Variants in ZCCHC8 observed in about 807,000 individuals in gnomAD.
The protein encoded by ZCCHC8 is zinc finger CCHC-type containing 8, also known as zinc finger CCHC domain-containing protein 8.
A neutral mutation model predicts 70.6 loss-of-function variants in ZCCHC8; 27 were observed. The ratio of observed to expected loss-of-function variants is 0.38; its 90% CI spans 0.28 to 0.53. ZCCHC8 has a LOEUF of 0.53. ZCCHC8 is among the 20% of genes least tolerant of loss of function. The pLI is 0.81. For missense variants in ZCCHC8, 737 were observed against 876.9 expected (o/e 0.84, Z 2.01); for synonymous variants, 293 against 317.4 (o/e 0.92, Z 0.82).
At chr12:122,498,750 A>C in intron 2 of ZCCHC8, 77 bp downstream of exon 2, 1 of 1,418,544 alleles carries the variant, frequency 7.0e-7, no homozygotes, top group Non-Finnish European at 9.8e-7. Flanking sequence ...CACTTTTTAC[A>C]ACGAAATTCT....
chr12:122,494,602 T>A (rs1957798568), intron 2 of ZCCHC8, among the ~76,000 whole-genome samples: 1 of 149,366 alleles, frequency 6.7e-6, no homozygotes, highest in Admixed American at 6.7e-5. Context: ...ACGCCTGTAA[T>A]CCCAGTACTT....
intron 13 of ZCCHC8, among the ~76,000 whole-genome samples, chr12:122,477,635 A>G (rs1453306386): frequency 6.8e-6 from 1 of 147,014 alleles, no homozygotes. Flanking sequence ...AAAAAAAAGT[A>G]CAAAAATTAG....
chr12:122,477,652 G>A (rs1284318702), intron 13 of ZCCHC8, among the ~76,000 whole-genome samples, 189 bp downstream of exon 13: 3 of 150,524 alleles, frequency 2.0e-5, no homozygotes, highest in Non-Finnish European at 3.0e-5. Context: ...TTAGCTGGGC[G>A]TGGTGATGCA....
At chr12:122,480,428 G>T in intron 10 of ZCCHC8, 117 bp from the exon 11 acceptor site, 1 of 866,476 alleles carries the variant, frequency 1.2e-6, no homozygotes, top group Non-Finnish European at 1.6e-6. Flanking sequence ...GTTTTGAAAT[G>T]GCTTTCAATT....
intron 2 of ZCCHC8, among the ~76,000 whole-genome samples, chr12:122,497,230 T>C (rs184107975): frequency 1.3e-5 from 2 of 152,082 alleles, no homozygotes; most frequent in Non-Finnish European, 2.9e-5. Flanking sequence ...TTATTCCAAC[T>C]GGTGCCAGGG....
chr12:122,497,139 G>A (rs1957837888), intron 2 of ZCCHC8, among the ~76,000 whole-genome samples: 1 of 151,674 alleles, frequency 6.6e-6, no homozygotes, highest in Admixed American at 6.6e-5. Flanking sequence ...GGGCGACAGA[G>A]CGAGACTCCA....
chr12:122,476,232 C>T lies in ZCCHC8; in HGVS notation c.1345+1609G>A, dbSNP rs114833299. Among the ~76,000 whole-genome samples, 600 of 152,284 alleles carry T rather than the reference C, an allele frequency of 3.9e-3. 5 individuals carry two copies. The highest frequency in any genetic ancestry group is 8.5e-3 in the African/African-American group (354 of 41,558). On this transcript the variant is annotated intron_variant, in intron 13 of 13. Coordinates refer to ENST00000633063, the MANE Select transcript of ZCCHC8 (RefSeq NM_017612.5). Reference sequence around the variant, plus strand: ...AATACTGTCTTATTAAGCTTTCTGCCTCAGGGTCTAGTAGGGGGTCTGAAC... The same window carrying T: ...AATACTGTCTTATTAAGCTTTCTGCTTCAGGGTCTAGTAGGGGGTCTGAAC...
intron 2 of ZCCHC8, among the ~76,000 whole-genome samples, chr12:122,494,233 T>C (rs1380306930): frequency 2.0e-5 from 3 of 152,234 alleles, no homozygotes; most frequent in Admixed American, 6.5e-5. Flanking sequence ...AATGTCTCTA[T>C]TTGGAATTGT....
Position 122,483,590 on chromosome 12 carries a change from G to A in ZCCHC8, c.502-27C>T. 1 of 1,482,296 alleles carries A rather than the reference G, an allele frequency of 6.7e-7. No individual in the cohort carries two copies. The highest frequency in any genetic ancestry group is 1.2e-5 in the South Asian group (1 of 80,590). The allele number at this position is 1,482,296 out of a possible 1,614,324, so 91.8% of individuals were successfully genotyped here. A position where few individuals can be genotyped will look rare whatever the true frequency, so the allele number is the denominator to read the frequency against. On this transcript the variant is annotated intron_variant, in intron 5 of 13. Coordinates refer to ENST00000633063, the MANE Select transcript of ZCCHC8 (RefSeq NM_017612.5). This position sits in a 1 kb window ranked among gnomAD's most constrained non-coding sequence, Gnocchi z 4.4. ...TGCAGAAAACAAGTCAAAAAATATTGCTATTTAAGCAGAAAAAAAGACATT... is the reference window on the plus strand; with the variant it reads ...TGCAGAAAACAAGTCAAAAAATATTACTATTTAAGCAGAAAAAAAGACATT...
At position 122,481,608 on chromosome 12, in the gene ZCCHC8, T is replaced by C. The variant is rs1218162115; in HGVS notation, c.932A>G (p.Tyr311Cys). 6.2e-7 allele frequency: 1 copy of C among 1,613,958 alleles called. No individual in the cohort carries two copies. ...TGGGTACCCTAGCTGGCGCATCCGATAGATAAAAGGTGGAAGACTCTTGTC... is the reference window on the plus strand; with the variant it reads ...TGGGTACCCTAGCTGGCGCATCCGACAGATAAAAGGTGGAAGACTCTTGTC... The part of the protein sequence containing the change: ...VTDKSLPPFI[Y>C]RMRQLGYPPG... The change falls in exon 10 of 14, where the codon TAT becomes TGT. Residue 311 changes from tyrosine (Y) to cysteine (C), a missense_variant. Physicochemically the swap from Tyr to Cys is radical, Grantham distance 194 (BLOSUM62 -2). Coordinates refer to ENST00000633063, the MANE Select transcript of ZCCHC8 (RefSeq NM_017612.5).
At chr12:122,479,232 C>T (rs749941263) in intron 11 of ZCCHC8, among the ~76,000 whole-genome samples, 23 of 152,160 alleles carry the variant, frequency 1.5e-4, no homozygotes, top group Admixed American at 1.2e-3. Flanking sequence ...CCTGCCACCA[C>T]GCTCAGCTAA....
In ZCCHC8 at chr12:122,482,498, G is replaced by T. The variant is rs142270996; in HGVS notation, c.732+137C>A. The T allele has an allele frequency of 3.2e-3, 1,685 of 523,012 alleles. 26 individuals carry two copies. The highest frequency in any genetic ancestry group is 0.03 in the African/African-American group (1,553 of 50,962). 32.4% of individuals were successfully genotyped at this position (523,012 alleles called of 1,614,324 possible). A position where few individuals can be genotyped will look rare whatever the true frequency, so the allele number is the denominator to read the frequency against. ...TAAAATATGAACACAAATTTGAAAA[G>T]ATTTCAAATTAAAGGACACAAGATT... On this transcript the variant is annotated intron_variant, in intron 8 of 13. Transcript: ENST00000633063.
In ZCCHC8 at chr12:122,500,853, AAAAG is replaced by A; in HGVS notation, c.-17_-14del. On this transcript the variant is annotated 5_prime_UTR_variant, in exon 1 of 14. Transcript: ENST00000633063. The surrounding 1 kb of genome is among the most constrained non-coding windows in gnomAD (Gnocchi z 4.8). Reference sequence around the variant, plus strand: ...CCTCTGCGGCCATTTTGGGCTGTGGAAAAGATTCGAGAAGAGGCGGAGCCGGCCA... The same window carrying A: ...CCTCTGCGGCCATTTTGGGCTGTGGAATTCGAGAAGAGGCGGAGCCGGCCA... 6.4e-7 allele frequency: 1 copy of A among 1,559,168 alleles called. No homozygotes were observed. Among genetic ancestry groups the A allele is most frequent in the Non-Finnish European group, 8.7e-7 (1 of 1,151,844 alleles).
chr12:122,500,932 T>G lies in ZCCHC8; in HGVS notation c.-92A>C. The G allele has an allele frequency of 7.3e-7, 1 of 1,369,530 alleles. No individual in the cohort carries two copies. The highest frequency in any genetic ancestry group is 1.3e-5 in the South Asian group (1 of 78,580). The allele number at this position is 1,369,530 out of a possible 1,614,324, so 84.8% of individuals were successfully genotyped here. A position where few individuals can be genotyped will look rare whatever the true frequency, so the allele number is the denominator to read the frequency against. On this transcript the variant is annotated 5_prime_UTR_variant, in exon 1 of 14. Transcript: ENST00000633063. The surrounding 1 kb of genome is among the most constrained non-coding windows in gnomAD (Gnocchi z 4.8). Reference sequence around the variant, plus strand: ...AAGGCGGCACCACTCTCTAGAGCTCTGGCCGCACGGAGCCACCCGCTAGGG... The same window carrying G: ...AAGGCGGCACCACTCTCTAGAGCTCGGGCCGCACGGAGCCACCCGCTAGGG...
chr12:122,500,894 GGAA>G lies in ZCCHC8; in HGVS notation c.-57_-55del, dbSNP rs1957917792. On this transcript the variant is annotated 5_prime_UTR_variant, in exon 1 of 14. Transcript: ENST00000633063. This position sits in a 1 kb window ranked among gnomAD's most constrained non-coding sequence, Gnocchi z 4.8. ...GGCGGAGCCGGCCACCAGGGCTTGG[GGAA>G]GAAGGTTGGAAGGCGGCACCACTCT... 2.0e-6 allele frequency: 3 copies of G among 1,535,548 alleles called. No homozygotes were observed. The highest frequency in any genetic ancestry group is 2.5e-5 in the East Asian group (1 of 40,810).
intron 13 of ZCCHC8, among the ~76,000 whole-genome samples, chr12:122,475,161 C>T (rs1957394455): frequency 1.3e-5 from 2 of 152,108 alleles, no homozygotes; most frequent in African/African-American, 4.8e-5. Flanking sequence ...AGTTCTTCTG[C>T]CTCTGCCTCC....
rs763378705 is a variant in ZCCHC8, at chr12:122,474,004, G to A, written c.1617C>T (p.Ser539=). The A allele has an allele frequency of 8.9e-6, 14 of 1,566,446 alleles. No individual in the cohort carries two copies. The highest frequency in any genetic ancestry group is 5.5e-5 in the African/African-American group (4 of 73,180). The change falls in exon 14 of 14, where the codon AGC becomes AGT. Residue 539 remains serine (S), a synonymous_variant. Transcript: ENST00000633063. ...AALEQAESVN[S]DSDVPVDTPL... ...GTGTGTCCACAGGAACGTCGGAGTC[G>A]CTGTTTACGCTCTCGGCCTGCTCAA... is the stretch of plus-strand genomic sequence containing the variant.
At chr12:122,494,788 G>A (rs1957802276) in intron 2 of ZCCHC8, among the ~76,000 whole-genome samples, 1 of 152,228 alleles carries the variant, frequency 6.6e-6, no homozygotes, top group African/African-American at 2.4e-5. Context: ...AGGGGAGGCG[G>A]AGGTTGCAGT....
At chr12:122,476,339 G>A (rs61956097) in intron 13 of ZCCHC8, among the ~76,000 whole-genome samples, 22,538 of 151,322 alleles carry the variant, frequency 0.15, 2,245 homozygotes, top group East Asian at 0.47. Context: ...GGTGGCTCAT[G>A]CCAGTAACAT....
Sources: gnomAD v4.1 joint callset for allele counts (sites outside exome capture counted in the v4.1 genomes callset) on GRCh38, gnomAD v4.1.1 for gene constraint, Gnocchi (gnomAD v3.1) non-coding constraint, MANE v1.5 for transcripts, NCBI Gene and HGNC (gene_info 2026-07-23, HGNC 2026-07-21) for gene names.